RMST: variants seen among roughly 807,000 people sequenced by gnomAD.
RMST encodes the protein rhabdomyosarcoma 2 associated transcript, also known as long intergenic non-protein coding RNA 54.
At chr12:97,564,225 C>T (rs2136683402) in exon 14 of RMST, 1 of 183,304 alleles carries the variant, frequency 5.5e-6, no homozygotes, top group Non-Finnish European at 1.2e-5. Context: ...CTTCTTTCGC[C>T]ACCTGTTGAG....
chr12:97,482,605 T>G (rs1311352455), intron 5 of RMST, among the ~76,000 whole-genome samples: 2 of 143,524 alleles, frequency 1.4e-5, no homozygotes, highest in Non-Finnish European at 3.0e-5. Context: ...ATTTTAAAAT[T>G]TATTTATTAT....
At chr12:97,467,316 A>C (rs756727188) in intron 5 of RMST, among the ~76,000 whole-genome samples, 3 of 151,992 alleles carry the variant, frequency 2.0e-5, no homozygotes, top group African/African-American at 7.2e-5. Flanking sequence ...TTAAAGAATC[A>C]TATCTTTTGG....
chr12:97,508,805 A>G (rs997100153), intron 10 of RMST, among the ~76,000 whole-genome samples: 15 of 152,254 alleles, frequency 9.9e-5, no homozygotes, highest in Non-Finnish European at 1.9e-4. Flanking sequence ...AGGCCAAAAT[A>G]TAAATGTCTG....
rs147186957 is a variant in RMST at position 97,509,811 on chromosome 12, A to G, written n.1340+13755A>G. ...TTATACAGCCAGTCAACAAATATAT[A>G]TTGAATGTCTGTTGTGTGATAGGCA... is the stretch of plus-strand genomic sequence containing the variant. On this transcript the variant is annotated intron_variant and non_coding_transcript_variant, in intron 10 of 13. Transcript: ENST00000640149. Among the ~76,000 whole-genome samples the G allele has an allele frequency of 1.8e-4, 27 of 152,298 alleles. No individual in the cohort carries two copies. The East Asian group carries it at 5.0e-3, about 28-fold the overall frequency.
At chr12:97,514,067 G>A (rs983954932) in intron 10 of RMST, among the ~76,000 whole-genome samples, 51 of 152,258 alleles carry the variant, frequency 3.3e-4, no homozygotes, top group African/African-American at 1.2e-3. Flanking sequence ...GGAGCAAGAG[G>A]TCACCAGCTT....
At chr12:97,488,581 G>A (rs140807655) in intron 5 of RMST, among the ~76,000 whole-genome samples, 46 of 152,188 alleles carry the variant, frequency 3.0e-4, no homozygotes, top group East Asian at 1.9e-3. Context: ...ACCAGCAAGC[G>A]GCTCTCAAGT....
At chr12:97,531,499 T>C (rs1275032513) in intron 11 of RMST, among the ~76,000 whole-genome samples, 2 of 152,052 alleles carry the variant, frequency 1.3e-5, no homozygotes. Context: ...ATATTTAAGA[T>C]TTGAGGAGTT....
At chr12:97,498,320 G>T (rs1877687239) in intron 10 of RMST, among the ~76,000 whole-genome samples, 1 of 152,104 alleles carries the variant, frequency 6.6e-6, no homozygotes, top group African/African-American at 2.4e-5. Flanking sequence ...CAAATATGGT[G>T]GTTGAACCAG....
chr12:97,511,932 T>C (rs1328003345), intron 10 of RMST, among the ~76,000 whole-genome samples: 1 of 152,188 alleles, frequency 6.6e-6, no homozygotes, highest in Non-Finnish European at 1.5e-5. Flanking sequence ...AAGACAATAT[T>C]CAATAGTTAT....
At chr12:97,466,476 T>C (rs1873209666) in intron 5 of RMST, among the ~76,000 whole-genome samples, 2 of 152,284 alleles carry the variant, frequency 1.3e-5, no homozygotes, top group Admixed American at 6.5e-5. Flanking sequence ...GTATCTATTA[T>C]GTATATGAAC....
intron 8 of RMST, among the ~76,000 whole-genome samples, chr12:97,494,166 G>A (rs1012564020): frequency 2.6e-4 from 39 of 152,118 alleles, no homozygotes; most frequent in African/African-American, 9.2e-4. Flanking sequence ...TCTGTCCCCA[G>A]GTAGCATTTG....
At chr12:97,478,547 T>C (rs1206181175) in intron 5 of RMST, among the ~76,000 whole-genome samples, 2 of 152,222 alleles carry the variant, frequency 1.3e-5, no homozygotes, top group Non-Finnish European at 2.9e-5. Flanking sequence ...TATGGTGTAC[T>C]GTCCCTTCTC....
chr12:97,486,777 G>C (rs1250419618), intron 5 of RMST, among the ~76,000 whole-genome samples: 2 of 152,154 alleles, frequency 1.3e-5, no homozygotes, highest in Admixed American at 6.6e-5. Flanking sequence ...CATTCTTTAA[G>C]TATGACATTG....
chr12:97,480,167 T>C (rs1209980232), intron 5 of RMST, among the ~76,000 whole-genome samples: 3 of 151,048 alleles, frequency 2.0e-5, no homozygotes, highest in Non-Finnish European at 2.9e-5. Flanking sequence ...CTCGGCTCAC[T>C]GCAAGCTCTG....
intron 5 of RMST, among the ~76,000 whole-genome samples, chr12:97,484,663 T>A (rs1453661356): frequency 6.6e-6 from 1 of 152,144 alleles, no homozygotes; most frequent in African/African-American, 2.4e-5. Flanking sequence ...AGAGCAAGAA[T>A]TGGATGATGA....
At chr12:97,483,312 G>A (rs1875668282) in intron 5 of RMST, 1 of 152,138 alleles carries the variant, frequency 6.6e-6, no homozygotes, top group Admixed American at 6.5e-5. Context: ...TAAAAGTAGG[G>A]TACGATTTTT....
At position 97,525,166 on chromosome 12, in the gene RMST, T is replaced by A. The variant is rs555902690; in HGVS notation, n.1341-5489T>A. On this transcript the variant is annotated intron_variant and non_coding_transcript_variant, in intron 10 of 13. Coordinates refer to ENST00000640149, the Ensembl canonical transcript of RMST. ...TTTGTCTCTTGTGTGCTAAATTAAA[T>A]CCTTTTAAAGGAAGACATCCTTTGA... is the stretch of plus-strand genomic sequence containing the variant. Among the ~76,000 whole-genome samples the A allele has an allele frequency of 1.7e-3, 254 of 152,322 alleles. 2 individuals are homozygous for A. The highest frequency in any genetic ancestry group is 6.8e-3 in the Middle Eastern group (2 of 294).
At chr12:97,512,109 T>TTC (rs1234120533) in intron 10 of RMST, among the ~76,000 whole-genome samples, 1 of 152,154 alleles carries the variant, frequency 6.6e-6, no homozygotes, top group Non-Finnish European at 1.5e-5. Context: ...TCAGAGTTTC[T>TTC]TCTGTCTGGC....
chr12:97,495,177 G>GGGGC (rs1555230752), intron 9 of RMST, among the ~76,000 whole-genome samples: 3 of 18,044 alleles, frequency 1.7e-4, no homozygotes, highest in Non-Finnish European at 4.7e-4. Context: ...TTATTCTTAT[G>GGGGC]GGGGGGGAGC....
Sources: gnomAD v4.1 joint callset for allele counts (sites outside exome capture counted in the v4.1 genomes callset) on GRCh38, gnomAD v4.1.1 for gene constraint, MANE v1.5 for transcripts, NCBI Gene and HGNC (gene_info 2026-07-23, HGNC 2026-07-21) for gene names.